The following DACH2 variants were observed in gnomAD, a reference collection of about 807,000 sequenced individuals.
The protein encoded by DACH2 is dachshund family transcription factor 2, also known as dachshund homolog 2.
In DACH2, 17 loss-of-function variants were observed where a neutral mutation model predicts 35.8. That is an observed-to-expected ratio of 0.48 (90% CI 0.33 to 0.71). DACH2 has a LOEUF of 0.71. Among genes scored for constraint, DACH2 ranks in the 30% least tolerant of loss-of-function variants. DACH2 has a pLI of 0.02. For missense variants in DACH2, 469 were observed against 472.7 expected, an observed-to-expected ratio of 0.99 and a Z score of 0.07; for synonymous variants, 195 against 177.3, an observed-to-expected ratio of 1.10 and a Z score of -0.79.
chrX:86,332,285 G>C (rs1054694684), intron 1 of DACH2, among the ~76,000 whole-genome samples: 1 of 111,324 alleles, frequency 9.0e-6, no homozygotes, highest in African/African-American at 3.3e-5. Context: ...CAATAACAGT[G>C]TTGCCCAGTT....
intron 1 of DACH2, among the ~76,000 whole-genome samples, chrX:86,343,710 G>C (rs1478023897): frequency 9.0e-6 from 1 of 111,528 alleles, no homozygotes; most frequent in Admixed American, 9.6e-5. Context: ...TGTAGACTGA[G>C]GGTGTATCCC....
At chrX:86,298,373 T>A (rs990422008) in intron 1 of DACH2, among the ~76,000 whole-genome samples, 2 of 112,213 alleles carry the variant, frequency 1.8e-5, no homozygotes, top group Admixed American at 1.9e-4. Context: ...TCTATTTTTC[T>A]GCACAACTGA....
intron 5 of DACH2, among the ~76,000 whole-genome samples, chrX:86,706,142 T>C (rs751622526): frequency 2.7e-5 from 3 of 111,154 alleles, no homozygotes; most frequent in African/African-American, 9.8e-5. Context: ...ACATTATGGG[T>C]ACAGTGTACA....
chrX:86,664,193 A>G (rs1348120976), intron 4 of DACH2, among the ~76,000 whole-genome samples: 2 of 112,075 alleles, frequency 1.8e-5, no homozygotes, highest in Non-Finnish European at 3.8e-5. Flanking sequence ...CCCATAAAAC[A>G]CTGAGCAAAG....
At chrX:86,397,858 G>T (rs1378476027) in intron 2 of DACH2, among the ~76,000 whole-genome samples, 1 of 111,117 alleles carries the variant, frequency 9.0e-6, no homozygotes, top group Non-Finnish European at 1.9e-5. Context: ...TCTCTTTTTT[G>T]GTTGTGTCTC....
At chrX:86,593,821 A>G (rs62593330) in intron 3 of DACH2, among the ~76,000 whole-genome samples, 5,493 of 110,506 alleles carry the variant, frequency 0.05, 118 homozygotes, top group Middle Eastern at 0.093. Flanking sequence ...TTCTTGTAAT[A>G]TTTTTATCTG....
intron 1 of DACH2, among the ~76,000 whole-genome samples, chrX:86,365,013 AC>A (rs1428164187): frequency 9.0e-6 from 1 of 111,657 alleles, no homozygotes; most frequent in Non-Finnish European, 1.9e-5. Context: ...GTAGAATAAA[AC>A]CCACTAGCGA....
intron 1 of DACH2, among the ~76,000 whole-genome samples, chrX:86,217,153 T>A (rs1296378297): frequency 1.8e-5 from 2 of 110,327 alleles, no homozygotes; most frequent in Admixed American, 1.9e-4. Context: ...CTCATTTTTT[T>A]TCAATATGGC....
At chrX:86,422,901 A>G (rs915611234) in intron 2 of DACH2, among the ~76,000 whole-genome samples, 3 of 111,073 alleles carry the variant, frequency 2.7e-5, no homozygotes, top group Non-Finnish European at 5.7e-5. Flanking sequence ...AGACCCTACA[A>G]ATAAGTGAGA....
intron 3 of DACH2, among the ~76,000 whole-genome samples, chrX:86,564,058 A>G (rs1314559895): frequency 9.0e-6 from 1 of 110,805 alleles, no homozygotes; most frequent in Non-Finnish European, 1.9e-5. Flanking sequence ...AGAGCAGCCA[A>G]TAAACCTTAA....
At chrX:86,285,827 C>A (rs936611860) in intron 1 of DACH2, among the ~76,000 whole-genome samples, 1 of 111,300 alleles carries the variant, frequency 9.0e-6, no homozygotes, top group Admixed American at 9.5e-5. Flanking sequence ...ATAATATTTT[C>A]TTTATACATT....
At chrX:86,396,318 T>C (rs1370099098) in intron 2 of DACH2, among the ~76,000 whole-genome samples, 154 of 97,505 alleles carry the variant, frequency 1.6e-3, no homozygotes, top group African/African-American at 5.7e-3. Context: ...GTTGTGAAAA[T>C]TTTCTCCCAT....
intron 1 of DACH2, among the ~76,000 whole-genome samples, chrX:86,305,697 G>A (rs2034672172): frequency 1.8e-5 from 2 of 109,250 alleles, no homozygotes; most frequent in African/African-American, 3.3e-5. Flanking sequence ...TCGATATCAG[G>A]AATATATATA....
At chrX:86,613,010 T>G (rs761081628) in intron 3 of DACH2, among the ~76,000 whole-genome samples, 1 of 112,447 alleles carries the variant, frequency 8.9e-6, no homozygotes, top group Non-Finnish European at 1.9e-5. Context: ...TTGAAATTTG[T>G]TTTGCCATGT....
chrX:86,342,856 C>T (rs1269658744), intron 1 of DACH2, among the ~76,000 whole-genome samples: 1 of 110,673 alleles, frequency 9.0e-6, no homozygotes. Flanking sequence ...CCATTCTAAC[C>T]CTCAGCAGCC....
chrX:86,700,716 A>G (rs1301793060), intron 5 of DACH2, among the ~76,000 whole-genome samples: 2 of 110,960 alleles, frequency 1.8e-5, no homozygotes, highest in Non-Finnish European at 3.8e-5. Flanking sequence ...GACTTACTAT[A>G]AATACCTCTG....
At chrX:86,190,827 C>T (rs1386297499) in intron 1 of DACH2, among the ~76,000 whole-genome samples, 2 of 111,079 alleles carry the variant, frequency 1.8e-5, no homozygotes, top group East Asian at 2.8e-4. Flanking sequence ...GCCTGTAATC[C>T]CAGCTACTCG....
chrX:86,445,400 C>T (rs1235565111), intron 2 of DACH2, among the ~76,000 whole-genome samples: 3 of 93,025 alleles, frequency 3.2e-5, no homozygotes, highest in Non-Finnish European at 6.4e-5. Flanking sequence ...GGAGATATAC[C>T]TAATGCTAGA....
chrX:86,160,979 TC>T, intron 1 of DACH2: 1 of 872,151 alleles, frequency 1.1e-6, no homozygotes, highest in South Asian at 2.0e-5. Flanking sequence ...GCAGCGTGGT[TC>T]CACTGGCATT....
Sources: gnomAD v4.1 joint callset for allele counts (sites outside exome capture counted in the v4.1 genomes callset) on GRCh38, gnomAD v4.1.1 for gene constraint, MANE v1.5 for transcripts, NCBI Gene and HGNC (gene_info 2026-07-23, HGNC 2026-07-21) for gene names.